PATJ: variants seen among roughly 807,000 people sequenced by gnomAD.
The protein encoded by PATJ is inaD-like protein.
A neutral mutation model predicts 224.9 loss-of-function variants in PATJ; 190 were observed. That is an observed-to-expected ratio of 0.84 (90% CI 0.75 to 0.95). PATJ has a LOEUF of 0.95. Among genes scored for constraint, PATJ ranks in the 40% least tolerant of loss-of-function variants. The pLI, the probability that PATJ is intolerant of heterozygous loss-of-function variation, is 0.00. For synonymous variants in PATJ, 769 were observed against 820.3 expected (o/e 0.94, Z 1.07); for missense variants, 2,121 against 2,270.3 (o/e 0.93, Z 1.34).
rs553865979 is a variant in PATJ, at chr1:61,889,602, A to G, written c.3131+5194A>G. ...TAACAACAATAACTGGTAATCAAATAGATCAGTACTGCAGCAGTTGATCTG... is the reference window on the plus strand; with the variant it reads ...TAACAACAATAACTGGTAATCAAATGGATCAGTACTGCAGCAGTTGATCTG... On this transcript the variant is annotated intron_variant, in intron 22 of 43. Transcript: ENST00000642238. Among the ~76,000 whole-genome samples the G allele has an allele frequency of 2.6e-5, 4 of 152,354 alleles. No homozygotes were observed. The East Asian group carries it at 7.7e-4, about 29-fold the overall frequency.
intron 31 of PATJ, among the ~76,000 whole-genome samples, chr1:62,061,317 G>C (rs1384406993): frequency 6.6e-6 from 1 of 151,864 alleles, no homozygotes; most frequent in Non-Finnish European, 1.5e-5. Context: ...GAGTAGCTGG[G>C]ATTACAGGTG....
At chr1:62,044,456 A>G (rs2148547965) in intron 30 of PATJ, among the ~76,000 whole-genome samples, 1 of 152,336 alleles carries the variant, frequency 6.6e-6, no homozygotes, top group East Asian at 1.9e-4. Flanking sequence ...TAGCAATGTT[A>G]AAGACATCTT....
At chr1:61,749,953 CAG>C (rs1222865892) in intron 1 of PATJ, among the ~76,000 whole-genome samples, 1 of 152,042 alleles carries the variant, frequency 6.6e-6, no homozygotes, top group African/African-American at 2.4e-5. Context: ...GCTGGGATAA[CAG>C]ATGAATAAAT....
intron 39 of PATJ, among the ~76,000 whole-genome samples, chr1:62,125,262 A>C (rs550224418): frequency 0.015 from 1,737 of 114,372 alleles, 53 homozygotes; most frequent in Middle Eastern, 0.042. Flanking sequence ...AACAAAAAAA[A>C]ACAAAAAAAA....
At chr1:61,963,484 TACTC>T (rs534698394) in intron 27 of PATJ, among the ~76,000 whole-genome samples, 1 of 151,934 alleles carries the variant, frequency 6.6e-6, no homozygotes, top group Non-Finnish European at 1.5e-5. Context: ...TAGTCCTAGT[TACTC>T]AGGAGGCTAA....
At chr1:61,905,268 G>A (rs1671705926) in intron 24 of PATJ, among the ~76,000 whole-genome samples, 1 of 152,216 alleles carries the variant, frequency 6.6e-6, no homozygotes, top group South Asian at 2.1e-4. Flanking sequence ...CTCACATAGT[G>A]GAAGGGATGA....
chr1:62,038,966 T>A, intron 30 of PATJ: 1 of 1,371,446 alleles, frequency 7.3e-7, no homozygotes, highest in Non-Finnish European at 1.0e-6. Context: ...CATGCTGGAG[T>A]GATATCTGTT....
chr1:61,919,087 AT>A (rs1011456588), intron 26 of PATJ, among the ~76,000 whole-genome samples: 14 of 151,390 alleles, frequency 9.2e-5, no homozygotes, highest in East Asian at 1.9e-4. Context: ...TTTTCATTTA[AT>A]TTTTTTTTCT....
At chr1:61,831,591 A>G (rs1404076887) in intron 16 of PATJ, among the ~76,000 whole-genome samples, 1 of 152,238 alleles carries the variant, frequency 6.6e-6, no homozygotes, top group Non-Finnish European at 1.5e-5. Flanking sequence ...GCTTAATAGC[A>G]CTGATCATTA....
intron 39 of PATJ, among the ~76,000 whole-genome samples, chr1:62,124,826 C>A (rs1032780462): frequency 6.6e-6 from 1 of 152,110 alleles, no homozygotes; most frequent in African/African-American, 2.4e-5. Flanking sequence ...CTAGGGCACA[C>A]CCTGGCCTCA....
rs150763095 is a variant in PATJ at position 62,081,022 on chromosome 1, C to T, written c.4243+1455C>T. On this transcript the variant is annotated intron_variant, in intron 32 of 43. Coordinates refer to ENST00000642238, the MANE Select transcript of PATJ (RefSeq NM_001350145.3). ...GTGTCCACAAATACAGGTTTATAGA[C>T]ACTCATTTGTTTCTGTATTGTCAGT... 8.6e-3 allele frequency among the ~76,000 whole-genome samples: 1,305 copies of T among 152,218 alleles called. 20 individuals carry two copies. The highest frequency in any genetic ancestry group is 0.029 in the African/African-American group (1,215 of 41,540).
chr1:62,145,353 G>T (rs1156672430), intron 41 of PATJ, among the ~76,000 whole-genome samples: 1 of 152,216 alleles, frequency 6.6e-6, no homozygotes, highest in South Asian at 2.1e-4. Context: ...CAGTTCATTA[G>T]ATAGTGATGG....
chr1:61,812,968 GCTGAA>G (rs1038427039), intron 14 of PATJ, among the ~76,000 whole-genome samples: 3 of 152,094 alleles, frequency 2.0e-5, no homozygotes, highest in African/African-American at 7.2e-5. Flanking sequence ...AGTGTGGACT[GCTGAA>G]ATACTTGCTT....
intron 14 of PATJ, among the ~76,000 whole-genome samples, chr1:61,821,296 G>A (rs975141656): frequency 7.9e-5 from 12 of 152,038 alleles, no homozygotes; most frequent in African/African-American, 2.4e-4. Flanking sequence ...CCTCCCGCTC[G>A]GCCTCCCAAA....
At chr1:62,044,015 TGCA>T (rs1652035242) in intron 30 of PATJ, among the ~76,000 whole-genome samples, 1 of 152,172 alleles carries the variant, frequency 6.6e-6, no homozygotes, top group Non-Finnish European at 1.5e-5. Context: ...AGTGAGCCAC[TGCA>T]CCTGGCCAAC....
At chr1:61,748,865 C>A (rs1029265001) in intron 1 of PATJ, among the ~76,000 whole-genome samples, 1 of 151,952 alleles carries the variant, frequency 6.6e-6, no homozygotes, top group Non-Finnish European at 1.5e-5. Flanking sequence ...TGTTTTAAAT[C>A]ATTTTGATTG....
At chr1:61,911,054 T>C (rs751804264) in intron 25 of PATJ, among the ~76,000 whole-genome samples, 2 of 152,236 alleles carry the variant, frequency 1.3e-5, no homozygotes, top group African/African-American at 2.4e-5. Context: ...AGTCATTTTC[T>C]AATGTTGTGC....
chr1:62,043,756 T>C (rs1015353074), intron 30 of PATJ, among the ~76,000 whole-genome samples: 1 of 151,940 alleles, frequency 6.6e-6, no homozygotes, highest in African/African-American at 2.4e-5. Context: ...TGAAACAGGA[T>C]CTCGCTCTGT....
chr1:61,953,337 G>T (rs576452013), intron 27 of PATJ, among the ~76,000 whole-genome samples: 25 of 152,236 alleles, frequency 1.6e-4, no homozygotes, highest in African/African-American at 6.0e-4. Context: ...CAGTGCACAC[G>T]CAAATTAGGT....
Sources: gnomAD v4.1 joint callset for allele counts (sites outside exome capture counted in the v4.1 genomes callset) on GRCh38, gnomAD v4.1.1 for gene constraint, MANE v1.5 for transcripts, NCBI Gene and HGNC (gene_info 2026-07-23, HGNC 2026-07-21) for gene names.